SF3A3: variants seen among roughly 807,000 people sequenced by gnomAD.
The protein encoded by SF3A3 is splicing factor 3a subunit 3, also known as SAP 61.
A neutral mutation model predicts 85.8 loss-of-function variants in SF3A3; 9 were observed. The ratio of observed to expected loss-of-function variants is 0.10; its 90% CI spans 0.06 to 0.18. SF3A3 has a LOEUF of 0.18. SF3A3 is among the 10% of genes least tolerant of loss of function. The pLI is 1.00. For missense variants in SF3A3, 306 were observed against 593.3 expected (o/e 0.52, Z 5.03); for synonymous variants, 195 against 204.4 (o/e 0.95, Z 0.39).
At chr1:37,982,139 C>T (rs1646423416) in intron 6 of SF3A3, among the ~76,000 whole-genome samples, 1 of 152,096 alleles carries the variant, frequency 6.6e-6, no homozygotes, top group Non-Finnish European at 1.5e-5. Flanking sequence ...AAACAAGGTG[C>T]TCAAAGGTGC....
intron 11 of SF3A3, 138 bp downstream of exon 11, chr1:37,978,582 A>C: frequency 1.7e-6 from 1 of 603,348 alleles, no homozygotes; most frequent in Non-Finnish European, 3.0e-6. Flanking sequence ...TGCTATTAGC[A>C]GAGATAAAGA....
chr1:37,981,031 C>T (rs965331035), intron 7 of SF3A3, among the ~76,000 whole-genome samples: 5 of 151,500 alleles, frequency 3.3e-5, no homozygotes, highest in African/African-American at 1.2e-4. Flanking sequence ...GTATTTTTAG[C>T]AGAGACGGTG....
intron 4 of SF3A3, among the ~76,000 whole-genome samples, chr1:37,985,561 T>C (rs547341628): frequency 1.3e-5 from 2 of 152,354 alleles, no homozygotes; most frequent in East Asian, 1.9e-4. Context: ...TTTGTACAAG[T>C]ACATTCATGC....
intron 1 of SF3A3, 43 bp downstream of exon 1, chr1:37,989,827 A>G (rs747832756): frequency 1.4e-6 from 2 of 1,479,998 alleles, no homozygotes; most frequent in Non-Finnish European, 1.9e-6. Flanking sequence ...CACGGGATAG[A>G]GGCTCGTGCT....
chr1:37,988,512 C>T (rs892105455), intron 2 of SF3A3, among the ~76,000 whole-genome samples: 3 of 152,162 alleles, frequency 2.0e-5, no homozygotes, highest in African/African-American at 7.2e-5. Context: ...CCAGGTTTTA[C>T]TGTCAAGTGA....
intron 5 of SF3A3, 133 bp from the exon 6 acceptor site, chr1:37,984,393 A>G (rs1264441208): frequency 1.1e-5 from 7 of 631,308 alleles, no homozygotes; most frequent in Admixed American, 2.6e-5. Flanking sequence ...TGCTCACAAT[A>G]TAACCTCCAA....
intron 15 of SF3A3, among the ~76,000 whole-genome samples, chr1:37,967,371 C>T (rs1395975641): frequency 6.6e-6 from 1 of 151,360 alleles, no homozygotes; most frequent in Admixed American, 6.6e-5. Flanking sequence ...CAGTGAAACC[C>T]CGTCTCTACT....
intron 12 of SF3A3, among the ~76,000 whole-genome samples, chr1:37,975,675 TAGCCTTTTACTGAA>T (rs1284692654): frequency 6.6e-6 from 1 of 152,196 alleles, no homozygotes; most frequent in East Asian, 1.9e-4. Flanking sequence ...AATGTCTAGC[TAGCCTTTTACTGAA>T]AGCAGTCATA....
chr1:37,977,663 AC>A (rs1646387701), intron 11 of SF3A3, among the ~76,000 whole-genome samples: 5 of 151,904 alleles, frequency 3.3e-5, no homozygotes, highest in African/African-American at 1.2e-4. Context: ...ACATGGTGAA[AC>A]CCCGTCTCTA....
Position 37,980,709 on chromosome 1 carries a change from C to T in SF3A3, c.567G>A (p.Leu189=). ...NAEYKRYLEM[L]LEYLQDYTDR... ...CTGTGTAATCCTGAAGGTACTCAAG[C>T]AGCATCTCTAGGTATCTACAGAGGA... The change falls in exon 8 of 17, where the codon CTG becomes CTA. Residue 189 remains leucine (L), a synonymous_variant. Coordinates refer to ENST00000373019, the MANE Select transcript of SF3A3 (RefSeq NM_006802.4). The T allele has an allele frequency of 6.2e-7, 1 of 1,613,694 alleles. No individual in the cohort carries two copies. Among genetic ancestry groups the T allele is most frequent in the South Asian group, 1.1e-5 (1 of 91,050 alleles).
At chr1:37,961,999 C>T (rs1007736052) in intron 15 of SF3A3, among the ~76,000 whole-genome samples, 33 of 150,934 alleles carry the variant, frequency 2.2e-4, no homozygotes, top group Admixed American at 1.7e-3. Context: ...GCAGGAGAAT[C>T]ACTTGAACCC....
At chr1:37,977,477 C>T (rs776759061) in intron 11 of SF3A3, among the ~76,000 whole-genome samples, 18 of 151,766 alleles carry the variant, frequency 1.2e-4, no homozygotes, top group Admixed American at 3.3e-4. Context: ...CTGAGGCTGG[C>T]GATCACTTGA....
chr1:37,963,758 G>A (rs1646278728), intron 15 of SF3A3, among the ~76,000 whole-genome samples: 3 of 149,600 alleles, frequency 2.0e-5, no homozygotes, highest in Non-Finnish European at 4.4e-5. Flanking sequence ...GGGTTTCACT[G>A]TGTGAGCTAG....
chr1:37,961,249 G>A (rs1032198153), intron 15 of SF3A3, among the ~76,000 whole-genome samples: 1 of 152,128 alleles, frequency 6.6e-6, no homozygotes, highest in Non-Finnish European at 1.5e-5. Context: ...GCACATAGGT[G>A]CTCAACTAAT....
At chr1:37,964,881 G>A (rs768110719) in intron 15 of SF3A3, among the ~76,000 whole-genome samples, 1 of 152,098 alleles carries the variant, frequency 6.6e-6, no homozygotes, top group African/African-American at 2.4e-5. Context: ...CTCTTAACAT[G>A]AGCATGGTGG....
intron 1 of SF3A3, 45 bp from the exon 2 acceptor site, chr1:37,989,640 G>A (rs762085863): frequency 1.9e-6 from 3 of 1,607,820 alleles, no homozygotes; most frequent in African/African-American, 2.7e-5. Flanking sequence ...TTTGCGTTCT[G>A]GAGTAGAAAA....
intron 16 of SF3A3, among the ~76,000 whole-genome samples, chr1:37,958,522 G>A (rs1366843610): frequency 3.9e-5 from 6 of 152,242 alleles, no homozygotes; most frequent in African/African-American, 1.4e-4. Context: ...CATCATTAGA[G>A]TATCTGAGAA....
At chr1:37,965,302 CAAAAAA>C (rs55747818) in intron 15 of SF3A3, among the ~76,000 whole-genome samples, 2 of 100,428 alleles carry the variant, frequency 2.0e-5, no homozygotes, top group Non-Finnish European at 3.7e-5. Flanking sequence ...CCCATCGGCA[CAAAAAA>C]AAAAAAAAAA....
chr1:37,970,262 G>A (rs1166868749), intron 12 of SF3A3, among the ~76,000 whole-genome samples: 1 of 147,456 alleles, frequency 6.8e-6, no homozygotes, highest in Non-Finnish European at 1.5e-5. Context: ...CTCTGATCCC[G>A]CCACTGCACT....
Sources: gnomAD v4.1 joint callset for allele counts (sites outside exome capture counted in the v4.1 genomes callset) on GRCh38, gnomAD v4.1.1 for gene constraint, MANE v1.5 for transcripts, NCBI Gene and HGNC (gene_info 2026-07-23, HGNC 2026-07-21) for gene names.